The following ZC3H12B variants were observed in gnomAD, a reference collection of about 807,000 sequenced individuals.
ZC3H12B encodes zinc finger CCCH-type containing 12B, also known as probable ribonuclease ZC3H12B.
A neutral mutation model predicts 43.9 loss-of-function variants in ZC3H12B; 7 were observed. The observed-to-expected ratio is 0.16, with a 90% confidence interval of 0.09 to 0.30. The LOEUF (loss-of-function observed/expected upper bound fraction) is 0.30, where lower values mean the gene tolerates loss of function less well. Among genes scored for constraint, ZC3H12B ranks in the 10% least tolerant of loss-of-function variants. The pLI, the probability that ZC3H12B is intolerant of heterozygous loss-of-function variation, is 1.00. For synonymous variants in ZC3H12B, 222 were observed against 241.7 expected (o/e 0.92, Z 0.76); for missense variants, 475 against 670.2 (o/e 0.71, Z 3.22).
At chrX:65,234,677 G>T in the ZC3H12B span, among the ~76,000 whole-genome samples, 4 of 112,461 alleles carry the variant, frequency 3.6e-5, no homozygotes, top group Non-Finnish European at 7.5e-5. Context: ...CAGTAAAGTT[G>T]CAGTATACAA....
chrX:65,129,746 G>T, the ZC3H12B span, among the ~76,000 whole-genome samples: 1 of 110,292 alleles, frequency 9.1e-6, no homozygotes, highest in Admixed American at 9.7e-5. Flanking sequence ...GAAGTGTTGG[G>T]GCAGCAAAAA....
chrX:65,053,104 G>C, the ZC3H12B span, among the ~76,000 whole-genome samples: 6 of 110,701 alleles, frequency 5.4e-5, no homozygotes, highest in Non-Finnish European at 1.1e-4. Context: ...TTTGCCATTT[G>C]TGTGTCTTTT....
chrX:65,453,362 A>G (rs1260695489), intron 3 of ZC3H12B, among the ~76,000 whole-genome samples: 5 of 29,601 alleles, frequency 1.7e-4, no homozygotes, highest in African/African-American at 1.6e-3. Flanking sequence ...TCAAATGCAT[A>G]TATATATATA....
At chrX:65,439,074 A>G (rs2067267610) in intron 3 of ZC3H12B, among the ~76,000 whole-genome samples, 1 of 112,752 alleles carries the variant, frequency 8.9e-6, no homozygotes, top group Non-Finnish European at 1.9e-5. Flanking sequence ...AAGCACAGTC[A>G]TTGAAATCAC....
chrX:65,164,234 A>C, the ZC3H12B span, among the ~76,000 whole-genome samples: 12 of 111,095 alleles, frequency 1.1e-4, no homozygotes, highest in South Asian at 3.8e-4. Flanking sequence ...TTGGGTTGGG[A>C]ATGAAATCAC....
At chrX:65,444,177 T>TA (rs765579431) in intron 3 of ZC3H12B, among the ~76,000 whole-genome samples, 2 of 112,517 alleles carry the variant, frequency 1.8e-5, no homozygotes, top group East Asian at 5.6e-4. Context: ...GTTGTCGGTT[T>TA]ATTTATTTGA....
At chrX:65,445,855 T>C (rs1353107577) in intron 3 of ZC3H12B, among the ~76,000 whole-genome samples, 1 of 112,254 alleles carries the variant, frequency 8.9e-6, no homozygotes, top group Non-Finnish European at 1.9e-5. Context: ...GCTAAGCTCA[T>C]ACCCAAGTTG....
At chrX:65,150,500 C>A in the ZC3H12B span, among the ~76,000 whole-genome samples, 1 of 109,862 alleles carries the variant, frequency 9.1e-6, no homozygotes, top group Non-Finnish European at 1.9e-5. Context: ...CCCCCGACCC[C>A]CCAACAGGCC....
the ZC3H12B span, among the ~76,000 whole-genome samples, chrX:65,121,598 C>T: frequency 9.0e-6 from 1 of 111,239 alleles, no homozygotes; most frequent in Non-Finnish European, 1.9e-5. Context: ...TTTCAAAAAA[C>T]CAGCTCCTGG....
At chrX:65,493,890 C>T (rs933188455) in intron 1 of ZC3H12B, among the ~76,000 whole-genome samples, 1 of 111,232 alleles carries the variant, frequency 9.0e-6, no homozygotes, top group African/African-American at 3.3e-5. Flanking sequence ...TTATTCATTC[C>T]TTAAATGTTT....
chrX:65,105,285 G>A, the ZC3H12B span, among the ~76,000 whole-genome samples: 2 of 110,826 alleles, frequency 1.8e-5, no homozygotes, highest in Admixed American at 1.9e-4. Context: ...GAGGGCATTA[G>A]GACAAATATC....
At chrX:65,146,723 T>A in the ZC3H12B span, among the ~76,000 whole-genome samples, 1 of 111,637 alleles carries the variant, frequency 9.0e-6, no homozygotes, top group Non-Finnish European at 1.9e-5. Context: ...TAGTGATTAT[T>A]ATCTCTCCCC....
At chrX:65,054,097 A>G in the ZC3H12B span, among the ~76,000 whole-genome samples, 34 of 112,070 alleles carry the variant, frequency 3.0e-4, no homozygotes, top group Non-Finnish European at 5.1e-4. Flanking sequence ...TGCTGTGCAG[A>G]AGCTCTTTAG....
chrX:65,501,510 C>T (rs1186790263), intron 4 of ZC3H12B, among the ~76,000 whole-genome samples: 1 of 111,237 alleles, frequency 9.0e-6, no homozygotes, highest in African/African-American at 3.3e-5. Context: ...CCACCTCAGC[C>T]TCCCAAACTG....
the ZC3H12B span, among the ~76,000 whole-genome samples, chrX:65,314,486 G>A: frequency 9.0e-6 from 1 of 111,568 alleles, no homozygotes; most frequent in South Asian, 3.7e-4. Context: ...AAGATCAGAA[G>A]ATGGAAACAA....
chrX:65,404,248 AAAAC>A (rs1246276529), intron 3 of ZC3H12B, among the ~76,000 whole-genome samples: 13 of 112,123 alleles, frequency 1.2e-4, no homozygotes, highest in Non-Finnish European at 2.4e-4. Context: ...TGGAAACAGA[AAAAC>A]AAAAAGCAAG....
intron 2 of ZC3H12B, among the ~76,000 whole-genome samples, chrX:65,387,211 C>G: frequency 9.0e-6 from 1 of 111,662 alleles, no homozygotes; most frequent in Non-Finnish European, 1.9e-5. Context: ...TGTTAACTTT[C>G]TGTCTTGTTG....
chrX:65,438,314 A>G (rs1028111479), intron 3 of ZC3H12B, among the ~76,000 whole-genome samples: 1 of 112,168 alleles, frequency 8.9e-6, no homozygotes, highest in African/African-American at 3.2e-5. Context: ...TACTTGATGT[A>G]GTATGGACAT....
At chrX:65,163,091 G>A in the ZC3H12B span, among the ~76,000 whole-genome samples, 1 of 111,091 alleles carries the variant, frequency 9.0e-6, no homozygotes, top group Non-Finnish European at 1.9e-5. Context: ...GGATTTTTGT[G>A]AACCGTGAAT....
Sources: gnomAD v4.1 joint callset for allele counts (sites outside exome capture counted in the v4.1 genomes callset) on GRCh38, gnomAD v4.1.1 for gene constraint, MANE v1.5 for transcripts, NCBI Gene and HGNC (gene_info 2026-07-23, HGNC 2026-07-21) for gene names.